Variants in SATB1 observed in about 807,000 individuals in gnomAD.
SATB1 encodes DNA-binding protein SATB1.
SATB1 carries 11 observed loss-of-function variants against 86.9 expected under a neutral mutation model. The observed-to-expected ratio is 0.13, with a 90% confidence interval of 0.08 to 0.21. The LOEUF (loss-of-function observed/expected upper bound fraction) is 0.21, where lower values mean the gene tolerates loss of function less well. SATB1 is among the 10% of genes least tolerant of loss of function. SATB1 has a pLI of 1.00. For missense variants in SATB1, 551 were observed against 937.6 expected (o/e 0.59, Z 5.39); for synonymous variants, 357 against 357.2 (o/e 1.00, Z 0.01).
rs1451443761 is a variant in SATB1 at position 18,349,019 on chromosome 3, ATCCTTT to A, written c.*145_*150del. ...GAAAACATTTAGTGCAGTCTGTATT[ATCCTTT>A]TCCAACTTTTCTGTTTGTGCAAGTT... is the stretch of plus-strand genomic sequence containing the variant. On this transcript the variant is annotated 3_prime_UTR_variant, in exon 11 of 11. Coordinates refer to ENST00000338745, the MANE Select transcript of SATB1 (RefSeq NM_002971.6). This position sits in a 1 kb window ranked among gnomAD's most constrained non-coding sequence, Gnocchi z 5.5. The A allele has an allele frequency of 6.8e-6, 9 of 1,314,232 alleles. No individual in the cohort carries two copies. The highest frequency in any genetic ancestry group is 3.0e-5 in the African/African-American group (2 of 67,054). 81.4% of individuals were successfully genotyped at this position (1,314,232 alleles called of 1,614,324 possible). A position where few individuals can be genotyped will look rare whatever the true frequency, so the allele number is the denominator to read the frequency against.
Position 18,417,292 on chromosome 3 carries a change from T to C in SATB1, c.212-214A>G, listed in dbSNP as rs375738626. 1.2e-4 allele frequency: 69 copies of C among 587,410 alleles called. No homozygotes were observed. In the African/African-American group the frequency reaches 1.2e-3, roughly 10 times the overall value. 36.4% of individuals were successfully genotyped at this position (587,410 alleles called of 1,614,324 possible). Reference sequence around the variant, plus strand: ...GTAACAGAAATATTTAAGTAGAATATGAACTTGGTCCTAAGGTAAGCTGTG... The same window carrying C: ...GTAACAGAAATATTTAAGTAGAATACGAACTTGGTCCTAAGGTAAGCTGTG... On this transcript the variant is annotated intron_variant, in intron 2 of 10. Coordinates refer to ENST00000338745, the MANE Select transcript of SATB1 (RefSeq NM_002971.6).
chr3:18,392,300 A>T (rs1696718577), intron 7 of SATB1, among the ~76,000 whole-genome samples: 1 of 152,144 alleles, frequency 6.6e-6, no homozygotes, highest in Admixed American at 6.5e-5. Context: ...TTCCAGTAAC[A>T]AATCCTGTAG....
At chr3:18,393,985 CAACA>C (rs148212462) in intron 7 of SATB1, among the ~76,000 whole-genome samples, 36,591 of 151,684 alleles carry the variant, frequency 0.24, 4,725 homozygotes, top group Non-Finnish European at 0.26. Context: ...GTGTTAACAA[CAACA>C]AACAACAACA....
intron 5 of SATB1, among the ~76,000 whole-genome samples, chr3:18,402,171 C>T (rs1332222166): frequency 1.3e-5 from 2 of 152,042 alleles, no homozygotes; most frequent in Non-Finnish European, 2.9e-5. Flanking sequence ...ATATCTATAA[C>T]ACGTTTAAAA....
At chr3:18,409,680 T>C (rs1380120133) in intron 5 of SATB1, 2 of 152,006 alleles carry the variant, frequency 1.3e-5, no homozygotes, top group Non-Finnish European at 2.9e-5. Context: ...GTCAGTAGGG[T>C]AAAAACTAGG....
rs141418566 is a variant in SATB1 at position 18,347,270 on chromosome 3, A to G, written c.*1900T>C. The G allele has an allele frequency of 2.6e-5, 4 of 152,294 alleles. No individual in the cohort carries two copies. The East Asian group carries it at 7.7e-4, about 29-fold the overall frequency. 9.4% of individuals were successfully genotyped at this position (152,294 alleles called of 1,614,324 possible). ...TCTAGGAAACAAAGTGAGGGAGCAA[A>G]TAAAAGAAAAATCACCCCAAACTGT... On this transcript the variant is annotated 3_prime_UTR_variant, in exon 11 of 11. Transcript: ENST00000338745.
chr3:18,395,897 C>T (rs899287581), intron 6 of SATB1, among the ~76,000 whole-genome samples: 5 of 152,200 alleles, frequency 3.3e-5, no homozygotes, highest in Non-Finnish European at 7.3e-5. Flanking sequence ...AAGGGCTGAG[C>T]ATGAAGCTGT....
Position 18,349,657 on chromosome 3 carries a change from T to G in SATB1, c.1805A>C (p.Gln602Pro). The change falls in exon 11 of 11, where the codon CAG becomes CCG. Residue 602 changes from glutamine to proline, a missense_variant. Gln to Pro is a moderately conservative substitution (Grantham distance 76, BLOSUM62 -1). Transcript: ENST00000338745. This position sits in a 1 kb window ranked among gnomAD's most constrained non-coding sequence, Gnocchi z 5.5. Reference protein sequence around the residue: ...IQQQQQQQQQQQQQQQAPPPP... With the variant: ...IQQQQQQQQQPQQQQQAPPPP... ...CGGCGGTGCCTGCTGCTGCTGCTGC[T>G]GCTGTTGCTGTTGCTGCTGCTGTTG... The G allele has an allele frequency of 6.2e-7, 1 of 1,608,190 alleles. No individual in the cohort carries two copies. Among genetic ancestry groups the G allele is most frequent in the Non-Finnish European group, 8.5e-7 (1 of 1,177,530 alleles).
At chr3:18,379,716 C>A (rs1432975959) in intron 8 of SATB1, among the ~76,000 whole-genome samples, 1 of 152,144 alleles carries the variant, frequency 6.6e-6, no homozygotes, top group Non-Finnish European at 1.5e-5. Context: ...AATAATTCAC[C>A]TCTTGCTTAT....
intron 9 of SATB1, among the ~76,000 whole-genome samples, chr3:18,355,511 A>G (rs1694586014): frequency 6.6e-6 from 1 of 152,068 alleles, no homozygotes; most frequent in South Asian, 2.1e-4. Context: ...AAGAAAATGA[A>G]TATGTCACAA....
At position 18,424,305 on chromosome 3, in the gene SATB1, TC is replaced by T. The variant is rs1466704527; in HGVS notation, c.-704del. ...CGCGCATTGGGAAGGCCACCTCGCC[TC>T]CCTTCCAATCACCCCCACCCCCCTC... is the stretch of plus-strand genomic sequence containing the variant. On this transcript the variant is annotated 5_prime_UTR_variant, in exon 1 of 11. Coordinates refer to ENST00000338745, the MANE Select transcript of SATB1 (RefSeq NM_002971.6). 2 of 147,388 alleles carry T rather than the reference TC, an allele frequency of 1.4e-5. No individual in the cohort carries two copies. Among genetic ancestry groups the T allele is most frequent in the African/African-American group, 5.1e-5 (2 of 39,420 alleles). The allele number at this position is 147,388 out of a possible 1,614,324, so 9.1% of individuals were successfully genotyped here.
intron 5 of SATB1, chr3:18,411,203 T>G: frequency 3.1e-6 from 1 of 320,898 alleles, no homozygotes; most frequent in Non-Finnish European, 5.6e-6. Flanking sequence ...AGATATCTTT[T>G]CCAGGTGAGA....
At chr3:18,378,701 C>CTG (rs1695889116) in intron 8 of SATB1, among the ~76,000 whole-genome samples, 1 of 152,314 alleles carries the variant, frequency 6.6e-6, no homozygotes, top group South Asian at 2.1e-4. Context: ...ATGCACAGTG[C>CTG]TGTATCTTCA....
At chr3:18,363,615 T>A (rs1371153395) in intron 9 of SATB1, among the ~76,000 whole-genome samples, 3 of 152,136 alleles carry the variant, frequency 2.0e-5, no homozygotes, top group Non-Finnish European at 2.9e-5. Flanking sequence ...CCAGCGCCTC[T>A]TCCCACTGTC....
At chr3:18,377,135 T>C (rs1442703158) in intron 9 of SATB1, among the ~76,000 whole-genome samples, 2 of 152,218 alleles carry the variant, frequency 1.3e-5, no homozygotes, top group South Asian at 4.1e-4. Context: ...TAGGAAAATC[T>C]GAAAAGATTA....
intron 9 of SATB1, among the ~76,000 whole-genome samples, chr3:18,374,696 C>T (rs1488152363): frequency 2.6e-5 from 4 of 152,132 alleles, no homozygotes; most frequent in East Asian, 1.9e-4. Flanking sequence ...GTGGAATCCA[C>T]GAGTTGGCTT....
chr3:18,380,123 C>T (rs1038382082), intron 8 of SATB1, among the ~76,000 whole-genome samples: 1 of 152,148 alleles, frequency 6.6e-6, no homozygotes, highest in Non-Finnish European at 1.5e-5. Flanking sequence ...TTGATCACCC[C>T]ATGGGGTCCC....
In SATB1 at chr3:18,351,944, A is replaced by G. The variant is rs777310020; in HGVS notation, c.1779+48T>C. The G allele has an allele frequency of 5.7e-6, 9 of 1,572,696 alleles. No homozygotes were observed. The African/African-American group carries it at 1.2e-4, about 21-fold the overall frequency. On this transcript the variant is annotated intron_variant, in intron 10 of 10. Transcript: ENST00000338745. ...AACGCTAATTTCCCTGCTAAGTTTA[A>G]AGCTTTATTTACTTATTGCTATACT...
chr3:18,434,295 C>T (rs1343432139), intron 2 of SATB1, among the ~76,000 whole-genome samples: 3 of 151,878 alleles, frequency 2.0e-5, no homozygotes, highest in East Asian at 1.9e-4. Context: ...TGGCATATGC[C>T]GCAGTTTAGG....
Sources: allele counts gnomAD v4.1 joint callset (sites outside exome capture counted in the v4.1 genomes callset), GRCh38; gene constraint gnomAD v4.1.1; non-coding constraint Gnocchi (gnomAD v3.1); transcripts MANE v1.5; gene names NCBI Gene and HGNC (gene_info 2026-07-23, HGNC 2026-07-21).